GPD2: variants seen among roughly 807,000 people sequenced by gnomAD.
GPD2 encodes the protein glycerol-3-phosphate dehydrogenase 2.
GPD2 carries 54 observed loss-of-function variants against 82.4 expected under a neutral mutation model. That is an observed-to-expected ratio of 0.66 (90% CI 0.53 to 0.82). The LOEUF is 0.82. GPD2 is among the 40% of genes least tolerant of loss of function. GPD2 has a pLI of 0.00. For synonymous variants in GPD2, 288 were observed against 306.1 expected, an observed-to-expected ratio of 0.94 and a Z score of 0.62; for missense variants, 748 against 896.2, an observed-to-expected ratio of 0.83 and a Z score of 2.11.
the GPD2 span, among the ~76,000 whole-genome samples, chr2:156,406,849 A>G: frequency 4.6e-5 from 7 of 152,274 alleles, no homozygotes; most frequent in Middle Eastern, 3.4e-3. Context: ...CTTTTAAAAT[A>G]TATGTTTTTT....
chr2:156,556,888 C>A (rs1433640175), intron 8 of GPD2, among the ~76,000 whole-genome samples: 5 of 152,160 alleles, frequency 3.3e-5, no homozygotes, highest in African/African-American at 1.2e-4. Flanking sequence ...ATTTTAGTTT[C>A]TAGAAAGGTA....
chr2:156,465,582 ACTC>A (rs1683126893), intron 1 of GPD2, among the ~76,000 whole-genome samples: 1 of 150,774 alleles, frequency 6.6e-6, no homozygotes, highest in South Asian at 2.1e-4. Flanking sequence ...TTGGTCTTGA[ACTC>A]CTGGCCTCAA....
intron 6 of GPD2, among the ~76,000 whole-genome samples, chr2:156,527,315 T>G (rs1357078841): frequency 6.6e-6 from 1 of 152,148 alleles, no homozygotes; most frequent in African/African-American, 2.4e-5. Flanking sequence ...AACTAACACC[T>G]TGGTGTAGAT....
At chr2:156,403,692 C>T in the GPD2 span, among the ~76,000 whole-genome samples, 1 of 151,872 alleles carries the variant, frequency 6.6e-6, no homozygotes, top group South Asian at 2.1e-4. Context: ...GTACAAGAAA[C>T]CTTCTGTTCT....
chr2:156,560,191 G>A (rs1006414501), intron 9 of GPD2, among the ~76,000 whole-genome samples: 3 of 152,150 alleles, frequency 2.0e-5, no homozygotes, highest in African/African-American at 4.8e-5. Flanking sequence ...GAAGGCTGCC[G>A]TGCCCATATT....
intron 2 of GPD2, among the ~76,000 whole-genome samples, chr2:156,493,252 T>A (rs1309569934): frequency 2.0e-5 from 3 of 152,068 alleles, no homozygotes; most frequent in Admixed American, 2.0e-4. Flanking sequence ...ATTTGTGCAT[T>A]TATTGGATTT....
upstream of GPD2, among the ~76,000 whole-genome samples, chr2:156,431,885 C>CTT (rs34394250): frequency 0.041 from 4,912 of 119,884 alleles, 457 homozygotes; most frequent in African/African-American, 0.13. Context: ...TCTGTGAAAT[C>CTT]TTTTTTTTTT....
At chr2:156,560,719 G>A (rs1574001876) in intron 9 of GPD2, among the ~76,000 whole-genome samples, 1 of 152,106 alleles carries the variant, frequency 6.6e-6, no homozygotes, top group Non-Finnish European at 1.5e-5. Flanking sequence ...CTTAAAATGA[G>A]GCCAGTCAAA....
chr2:156,410,800 G>A, the GPD2 span, among the ~76,000 whole-genome samples: 1 of 152,100 alleles, frequency 6.6e-6, no homozygotes, highest in African/African-American at 2.4e-5. Context: ...TAGATTTTGT[G>A]CTTAAAAGGT....
intron 2 of GPD2, among the ~76,000 whole-genome samples, chr2:156,489,141 A>C (rs985384038): frequency 6.6e-6 from 1 of 152,306 alleles, no homozygotes; most frequent in African/African-American, 2.4e-5. Flanking sequence ...TAGAGTGATG[A>C]GGTACAAGTG....
At position 156,506,589 on chromosome 2, in the gene GPD2, T is replaced by TA. The variant is rs546400674; in HGVS notation, c.275-4193dup. ...CTCACACTCTGTCAATTTGGGAAAT[T>TA]AAAAAAAAAAAAAATCCATCCTGAC... On this transcript the variant is annotated intron_variant, in intron 3 of 16. Coordinates refer to ENST00000438166, the MANE Select transcript of GPD2 (RefSeq NM_000408.5). Among the ~76,000 whole-genome samples the TA allele has an allele frequency of 2.2e-3, 320 of 144,158 alleles. 1 individual carries two copies. The highest frequency in any genetic ancestry group is 4.2e-3 in the African/African-American group (164 of 39,412). The allele number at this position is 144,158 out of a possible 152,430, so 94.6% of individuals were successfully genotyped here. A position where few individuals can be genotyped will look rare whatever the true frequency, so the allele number is the denominator to read the frequency against.
At chr2:156,556,843 T>C (rs776354690) in intron 8 of GPD2, among the ~76,000 whole-genome samples, 29 of 152,202 alleles carry the variant, frequency 1.9e-4, no homozygotes, top group Non-Finnish European at 3.4e-4. Context: ...CACAAGTTCA[T>C]CTAGGCATAA....
At chr2:156,536,026 A>G (rs1686064907) in intron 6 of GPD2, among the ~76,000 whole-genome samples, 1 of 152,202 alleles carries the variant, frequency 6.6e-6, no homozygotes, top group African/African-American at 2.4e-5. Flanking sequence ...TTTAACCTGT[A>G]TCATATTAAG....
chr2:156,438,444 T>C (rs1682028945), intron 1 of GPD2, among the ~76,000 whole-genome samples: 1 of 152,236 alleles, frequency 6.6e-6, no homozygotes, highest in Non-Finnish European at 1.5e-5. Flanking sequence ...GGGCAAAGAA[T>C]TCTTGCATGT....
chr2:156,466,712 C>G (rs1260284590), intron 1 of GPD2, among the ~76,000 whole-genome samples: 2 of 152,112 alleles, frequency 1.3e-5, no homozygotes, highest in Non-Finnish European at 2.9e-5. Context: ...TTAAACTTAA[C>G]CCCCCATCAC....
chr2:156,560,521 T>C (rs1416926772), intron 9 of GPD2, among the ~76,000 whole-genome samples: 1 of 152,200 alleles, frequency 6.6e-6, no homozygotes, highest in Non-Finnish European at 1.5e-5. Flanking sequence ...TCCTAGACTT[T>C]ATTGATTTCC....
chr2:156,455,564 A>T (rs1302620511), intron 1 of GPD2, among the ~76,000 whole-genome samples: 2 of 151,864 alleles, frequency 1.3e-5, no homozygotes, highest in Non-Finnish European at 2.9e-5. Context: ...GTCAGACCAC[A>T]CCCTCTTGTT....
At chr2:156,561,040 C>CTTATTTTTTTTTTTTTTTTT (rs1687149187) in intron 9 of GPD2, among the ~76,000 whole-genome samples, 1 of 27,624 alleles carries the variant, frequency 3.6e-5, no homozygotes, top group Non-Finnish European at 6.0e-5. Flanking sequence ...TGACATTAAG[C>CTTATTTTTTTTTTTTTTTTT]TTTTTTTTTT....
the GPD2 span, among the ~76,000 whole-genome samples, chr2:156,407,207 C>T: frequency 1.3e-5 from 2 of 152,182 alleles, no homozygotes; most frequent in Non-Finnish European, 2.9e-5. Flanking sequence ...TCCCAGGTTT[C>T]CTTTCCTAGA....
Sources: gnomAD v4.1 joint callset for allele counts (sites outside exome capture counted in the v4.1 genomes callset) on GRCh38, gnomAD v4.1.1 for gene constraint, MANE v1.5 for transcripts, NCBI Gene and HGNC (gene_info 2026-07-23, HGNC 2026-07-21) for gene names.